The following ASIC2 variants were observed in gnomAD, a reference collection of about 807,000 sequenced individuals.
ASIC2 encodes the protein acid-sensing ion channel 2.
In ASIC2, 25 loss-of-function variants were observed where a neutral mutation model predicts 57.3. That is an observed-to-expected ratio of 0.44 (90% CI 0.32 to 0.61). The LOEUF (loss-of-function observed/expected upper bound fraction) is 0.61, where lower values mean the gene tolerates loss of function less well. Ranked by LOEUF, ASIC2 falls within the 20% of genes least tolerant of loss-of-function variation. ASIC2 has a pLI of 0.06. For missense variants in ASIC2, 641 were observed against 738.1 expected (o/e 0.87, Z 1.52); for synonymous variants, 319 against 307.5 (o/e 1.04, Z -0.39).
At chr17:33,326,568 A>G (rs1386497975) in intron 1 of ASIC2, among the ~76,000 whole-genome samples, 1 of 152,212 alleles carries the variant, frequency 6.6e-6, no homozygotes, top group Non-Finnish European at 1.5e-5. Flanking sequence ...ACAAGCAAGC[A>G]CTCAGTTGTC....
intron 1 of ASIC2, among the ~76,000 whole-genome samples, chr17:33,992,198 T>C (rs1906020122): frequency 6.6e-6 from 1 of 152,230 alleles, no homozygotes; most frequent in Non-Finnish European, 1.5e-5. Flanking sequence ...TCTGTATTGC[T>C]GATCTAACGC....
intron 1 of ASIC2, among the ~76,000 whole-genome samples, chr17:33,738,740 A>C (rs987922298): frequency 1.3e-5 from 2 of 152,110 alleles, no homozygotes; most frequent in African/African-American, 2.4e-5. Flanking sequence ...ACAATGCCCA[A>C]ATCTTATCTG....
At position 33,013,873 on chromosome 17, in the gene ASIC2, C is replaced by G; in HGVS notation, c.*92G>C. The G allele has an allele frequency of 8.6e-7, 1 of 1,166,176 alleles. No homozygotes were observed. Among genetic ancestry groups the G allele is most frequent in the Non-Finnish European group, 1.3e-6 (1 of 797,688 alleles). The allele number at this position is 1,166,176 out of a possible 1,614,324, so 72.2% of individuals were successfully genotyped here. A position where few individuals can be genotyped will look rare whatever the true frequency, so the allele number is the denominator to read the frequency against. On this transcript the variant is annotated 3_prime_UTR_variant, in exon 10 of 10. Transcript: ENST00000225823. The stretch of plus-strand genomic sequence containing the variant: ...AGGGGGCTCTTGCTTCTTTCCAGCA[C>G]TGGGGCCATCCCACCTGAGCTTGCT...
intron 1 of ASIC2, among the ~76,000 whole-genome samples, chr17:33,476,504 CATATAT>C (rs67811038): frequency 0.087 from 10,718 of 122,540 alleles, 457 homozygotes; most frequent in South Asian, 0.13. Flanking sequence ...TGTGTGTGTG[CATATAT>C]ATATATATAT....
chr17:33,286,223 C>T (rs1218648397), intron 1 of ASIC2, among the ~76,000 whole-genome samples: 2 of 152,234 alleles, frequency 1.3e-5, no homozygotes, highest in African/African-American at 4.8e-5. Flanking sequence ...AAACTAAATG[C>T]TGTTTTCTTC....
intron 1 of ASIC2, chr17:33,791,926 G>A (rs1178100275): frequency 6.6e-6 from 1 of 151,726 alleles, no homozygotes; most frequent in East Asian, 1.9e-4. Flanking sequence ...TCCCACCTTA[G>A]CCTCCCGAGT....
At chr17:33,903,258 A>T (rs1292449790) in intron 1 of ASIC2, among the ~76,000 whole-genome samples, 1 of 152,168 alleles carries the variant, frequency 6.6e-6, no homozygotes, top group Non-Finnish European at 1.5e-5. Flanking sequence ...ACAATTTATG[A>T]TGTTCCATGG....
At chr17:33,515,873 A>G (rs1019654930) in intron 1 of ASIC2, among the ~76,000 whole-genome samples, 11 of 152,066 alleles carry the variant, frequency 7.2e-5, no homozygotes, top group Admixed American at 6.5e-5. Flanking sequence ...AGGTGGATGG[A>G]TTGCTTGACC....
chr17:34,132,848 C>G (rs1208643388), intron 1 of ASIC2, among the ~76,000 whole-genome samples: 1 of 152,198 alleles, frequency 6.6e-6, no homozygotes, highest in African/African-American at 2.4e-5. Flanking sequence ...TCAGGCCATA[C>G]TTCAACCATC....
intron 1 of ASIC2, among the ~76,000 whole-genome samples, chr17:34,069,156 A>T (rs1263501245): frequency 2.6e-5 from 4 of 151,920 alleles, no homozygotes; most frequent in Non-Finnish European, 5.9e-5. Flanking sequence ...GGCAAACGCT[A>T]AAAATTTAGG....
chr17:34,107,872 G>A (rs1726506036), intron 1 of ASIC2, among the ~76,000 whole-genome samples: 1 of 152,114 alleles, frequency 6.6e-6, no homozygotes, highest in African/African-American at 2.4e-5. Flanking sequence ...TTATTAGCAT[G>A]CATCCGAAAG....
chr17:33,470,537 A>T (rs942303869), intron 1 of ASIC2, among the ~76,000 whole-genome samples: 12 of 152,264 alleles, frequency 7.9e-5, no homozygotes, highest in Admixed American at 6.5e-4. Context: ...AGGGGTCTGG[A>T]GTGAGGCCTG....
At chr17:33,508,907 C>T (rs1281391373) in intron 1 of ASIC2, among the ~76,000 whole-genome samples, 1 of 152,146 alleles carries the variant, frequency 6.6e-6, no homozygotes, top group Non-Finnish European at 1.5e-5. Context: ...GAGTTTTGGA[C>T]CTGAATGGAG....
intron 1 of ASIC2, among the ~76,000 whole-genome samples, chr17:33,960,656 T>C (rs1904891950): frequency 6.6e-6 from 1 of 152,186 alleles, no homozygotes; most frequent in Non-Finnish European, 1.5e-5. Context: ...CTGGCCACAC[T>C]GGATTTTCAG....
At chr17:33,642,594 C>T (rs201695116) in intron 1 of ASIC2, among the ~76,000 whole-genome samples, 2 of 152,190 alleles carry the variant, frequency 1.3e-5, no homozygotes, top group East Asian at 3.9e-4. Flanking sequence ...TTTATACTCT[C>T]ACTGTCCGTC....
chr17:33,084,730 G>T (rs895735220), intron 3 of ASIC2, among the ~76,000 whole-genome samples: 5 of 152,126 alleles, frequency 3.3e-5, no homozygotes, highest in African/African-American at 1.2e-4. Flanking sequence ...CCTTCCCAGG[G>T]TTCTATTTCT....
rs989434280 is a variant in ASIC2, at chr17:33,830,696, T to C, written c.555+325282A>G. ...CCACACACGCATTAGGTATTCATCCTAATGCTCTCCCTCCCCTTGCCCCCT... is the reference window on the plus strand; with the variant it reads ...CCACACACGCATTAGGTATTCATCCCAATGCTCTCCCTCCCCTTGCCCCCT... On this transcript the variant is annotated intron_variant, in intron 1 of 9. Transcript: ENST00000359872. Among the ~76,000 whole-genome samples the C allele has an allele frequency of 5.3e-5, 8 of 152,238 alleles. No homozygotes were observed. The East Asian group carries it at 1.5e-3, about 29-fold the overall frequency.
chr17:34,145,803 C>G (rs185195308), intron 1 of ASIC2, among the ~76,000 whole-genome samples: 185 of 152,352 alleles, frequency 1.2e-3, no homozygotes, highest in African/African-American at 4.3e-3. Flanking sequence ...AGCATCACCT[C>G]TGGTCAGCCA....
At chr17:33,955,935 C>T (rs953910116) in intron 1 of ASIC2, among the ~76,000 whole-genome samples, 1 of 152,122 alleles carries the variant, frequency 6.6e-6, no homozygotes, top group African/African-American at 2.4e-5. Flanking sequence ...ATTATGTTCT[C>T]TCCATTCAAA....
Sources: gnomAD v4.1 joint callset for allele counts (sites outside exome capture counted in the v4.1 genomes callset) on GRCh38, gnomAD v4.1.1 for gene constraint, MANE v1.5 for transcripts, NCBI Gene and HGNC (gene_info 2026-07-23, HGNC 2026-07-21) for gene names.